MCPH1: variants seen among roughly 807,000 people sequenced by gnomAD.
MCPH1 encodes microcephalin 1.
In MCPH1, 104 loss-of-function variants were observed where a neutral mutation model predicts 84.5. The ratio of observed to expected loss-of-function variants is 1.23; its 90% CI spans 1.05 to 1.45. MCPH1 has a LOEUF of 1.45. Ranked by LOEUF, MCPH1 falls within the 40% of genes most tolerant of loss-of-function variation. The pLI, the probability that MCPH1 is intolerant of heterozygous loss-of-function variation, is 0.00. For missense variants in MCPH1, 1,498 were observed against 1,005.7 expected, an observed-to-expected ratio of 1.49 and a Z score of -6.62; for synonymous variants, 514 against 366.8, an observed-to-expected ratio of 1.40 and a Z score of -4.58.
intron 13 of MCPH1, among the ~76,000 whole-genome samples, chr8:6,629,068 G>A (rs1005239976): frequency 1.5e-4 from 23 of 152,216 alleles, no homozygotes; most frequent in African/African-American, 5.5e-4. Flanking sequence ...CCAGTCCTTA[G>A]AACATGATTG....
chr8:6,427,502 G>T (rs1041126843), intron 3 of MCPH1, among the ~76,000 whole-genome samples: 1 of 152,154 alleles, frequency 6.6e-6, no homozygotes, highest in Non-Finnish European at 1.5e-5. Flanking sequence ...TTCCTGAGGA[G>T]CTGGGACTAC....
chr8:6,406,798 C>T, intron 1 of MCPH1, 109 bp downstream of exon 1: 1 of 1,261,954 alleles, frequency 7.9e-7, no homozygotes, highest in Non-Finnish European at 1.1e-6. Flanking sequence ...TCGCCCCTCC[C>T]TCGCTGCCTG....
At chr8:6,552,379 A>G (rs1306225748) in intron 12 of MCPH1, among the ~76,000 whole-genome samples, 1 of 152,234 alleles carries the variant, frequency 6.6e-6, no homozygotes, top group South Asian at 2.1e-4. Flanking sequence ...CACTCATGCA[A>G]TATGCAGAAT....
chr8:6,455,698 G>A (rs1208311476), intron 9 of MCPH1, among the ~76,000 whole-genome samples: 1 of 152,136 alleles, frequency 6.6e-6, no homozygotes, highest in Non-Finnish European at 1.5e-5. Context: ...TTGTGGTTTT[G>A]GCTTTAAAAC....
At chr8:6,449,044 C>T (rs115613361) in intron 8 of MCPH1, among the ~76,000 whole-genome samples, 1 of 152,000 alleles carries the variant, frequency 6.6e-6, no homozygotes, top group East Asian at 1.9e-4. Context: ...ACTGAGTGTT[C>T]CCATCACCAA....
chr8:6,530,272 C>G (rs1819219807), intron 12 of MCPH1, among the ~76,000 whole-genome samples: 1 of 152,020 alleles, frequency 6.6e-6, no homozygotes, highest in Non-Finnish European at 1.5e-5. Context: ...GTTTGGGAGG[C>G]CAAGGCAGGT....
chr8:6,457,020 A>AT (rs1805756804), intron 9 of MCPH1, among the ~76,000 whole-genome samples: 1 of 152,206 alleles, frequency 6.6e-6, no homozygotes, highest in Non-Finnish European at 1.5e-5. Context: ...ATAAGGTGGT[A>AT]TTACTGTCTT....
rs529029533 is a variant in MCPH1, at chr8:6,529,882, G to A, written c.2214+29953G>A. Among the ~76,000 whole-genome samples the A allele has an allele frequency of 6.1e-5, 9 of 148,740 alleles. No individual in the cohort carries two copies. In the East Asian group the frequency reaches 7.9e-4, roughly 13 times the overall value. On this transcript the variant is annotated intron_variant, in intron 12 of 13. Coordinates refer to ENST00000344683, the MANE Select transcript of MCPH1 (RefSeq NM_024596.5). ...CATGATATCTAGTTTCACAATAGGCGTTTTTTTTTTAAATCATATGACGCA... is the reference window on the plus strand; with the variant it reads ...CATGATATCTAGTTTCACAATAGGCATTTTTTTTTTAAATCATATGACGCA...
intron 12 of MCPH1, among the ~76,000 whole-genome samples, chr8:6,509,836 A>T (rs1043052448): frequency 2.6e-5 from 4 of 152,192 alleles, no homozygotes; most frequent in African/African-American, 9.6e-5. Context: ...AGACAGAGCC[A>T]TTTGGCAACA....
intron 8 of MCPH1, among the ~76,000 whole-genome samples, chr8:6,449,972 G>A (rs796599530): frequency 1.3e-4 from 19 of 144,836 alleles, no homozygotes; most frequent in East Asian, 6.3e-4. Flanking sequence ...TATAGGTGCC[G>A]TGTGTTCACT....
chr8:6,625,257 G>A lies in MCPH1; in HGVS notation c.2452+3566G>A, dbSNP rs1346661687. On this transcript the variant is annotated intron_variant, in intron 13 of 13. Coordinates refer to ENST00000344683, the MANE Select transcript of MCPH1 (RefSeq NM_024596.5). Reference sequence around the variant, plus strand: ...CTCCACCTTGCTTACCCCACATGCTGGTTAAAGGAGGAAACACAGAGAGCG... The same window carrying A: ...CTCCACCTTGCTTACCCCACATGCTAGTTAAAGGAGGAAACACAGAGAGCG... The A allele has an allele frequency of 3.0e-6, 3 of 985,444 alleles. No homozygotes were observed. The East Asian group carries it at 3.4e-4, about 112-fold the overall frequency. 61.0% of individuals were successfully genotyped at this position (985,444 alleles called of 1,614,324 possible).
chr8:6,614,442 C>CGTA (rs1830596558), intron 12 of MCPH1, among the ~76,000 whole-genome samples: 1 of 152,220 alleles, frequency 6.6e-6, no homozygotes, highest in Admixed American at 6.5e-5. Context: ...ACCACAACTA[C>CGTA]GTACTGCCTC....
chr8:6,539,450 T>A (rs1297670883), intron 12 of MCPH1, among the ~76,000 whole-genome samples: 1 of 152,286 alleles, frequency 6.6e-6, no homozygotes, highest in African/African-American at 2.4e-5. Flanking sequence ...CTAGTGGGTA[T>A]TGTGACTTCT....
At chr8:6,485,602 T>C (rs6559164) in intron 11 of MCPH1, among the ~76,000 whole-genome samples, 2,325 of 152,102 alleles carry the variant, frequency 0.015, 81 homozygotes, top group African/African-American at 0.052. Flanking sequence ...TACCTTTTTT[T>C]CCCCTCATTC....
At chr8:6,543,358 G>A (rs1821951409) in intron 12 of MCPH1, among the ~76,000 whole-genome samples, 3 of 152,138 alleles carry the variant, frequency 2.0e-5, no homozygotes, top group Admixed American at 2.0e-4. Context: ...CCAACGAACT[G>A]CTCCTCGTCT....
At chr8:6,590,385 C>G (rs545197995) in intron 12 of MCPH1, among the ~76,000 whole-genome samples, 2 of 151,904 alleles carry the variant, frequency 1.3e-5, no homozygotes, top group Admixed American at 1.3e-4. Flanking sequence ...TGGAATGTCT[C>G]ATAAGCCATT....
intron 12 of MCPH1, among the ~76,000 whole-genome samples, chr8:6,602,263 G>C (rs925874106): frequency 2.0e-5 from 3 of 152,228 alleles, no homozygotes; most frequent in African/African-American, 7.2e-5. Context: ...GAGCAGGGCG[G>C]TGCACACTTT....
chr8:6,506,622 C>T (rs956508019), intron 12 of MCPH1, among the ~76,000 whole-genome samples: 1 of 152,002 alleles, frequency 6.6e-6, no homozygotes, highest in Non-Finnish European at 1.5e-5. Context: ...CCCTGCTGTT[C>T]AGCTTTAAAA....
intron 12 of MCPH1, among the ~76,000 whole-genome samples, chr8:6,569,210 C>T (rs978808565): frequency 9.9e-5 from 15 of 152,122 alleles, no homozygotes; most frequent in African/African-American, 3.6e-4. Flanking sequence ...GAGAAATAGC[C>T]ACAACTGGCA....
Sources: gnomAD v4.1 joint callset for allele counts (sites outside exome capture counted in the v4.1 genomes callset) on GRCh38, gnomAD v4.1.1 for gene constraint, MANE v1.5 for transcripts, NCBI Gene and HGNC (gene_info 2026-07-23, HGNC 2026-07-21) for gene names.